Variants in NFXL1 observed in about 807,000 individuals in gnomAD.
The protein encoded by NFXL1 is NF-X1-type zinc finger protein NFXL1.
NFXL1 carries 66 observed loss-of-function variants against 123.3 expected under a neutral mutation model. The ratio of observed to expected loss-of-function variants is 0.54; its 90% confidence interval spans 0.44 to 0.66. The LOEUF (loss-of-function observed/expected upper bound fraction) is 0.66. Among genes scored for constraint, NFXL1 ranks in the 30% least tolerant of loss-of-function variants. The probability of loss-of-function intolerance (pLI) is 0.00; values close to 1 mark genes in which losing one functional copy is unlikely to be tolerated. For missense variants in NFXL1, 944 were observed against 1,125.6 expected, an observed-to-expected ratio of 0.84 and a Z score of 2.31; for synonymous variants, 346 against 360.8, an observed-to-expected ratio of 0.96 and a Z score of 0.46.
intron 3 of NFXL1, among the ~76,000 whole-genome samples, chr4:47,909,584 G>A (rs1170362295): frequency 6.6e-6 from 1 of 151,422 alleles, no homozygotes; most frequent in Non-Finnish European, 1.5e-5. Context: ...CTAATAAAAG[G>A]TATATAAACA....
At chr4:47,881,007 T>C (rs12506632) in intron 15 of NFXL1, among the ~76,000 whole-genome samples, 52,555 of 151,528 alleles carry the variant, frequency 0.35, 9,531 homozygotes, top group East Asian at 0.59. Context: ...TACAGCTAGA[T>C]AGGAAGAACA....
chr4:47,850,789 C>T (rs1197777373), intron 22 of NFXL1, among the ~76,000 whole-genome samples: 1 of 152,010 alleles, frequency 6.6e-6, no homozygotes, highest in African/African-American at 2.4e-5. Context: ...ATGATTCGCT[C>T]ACTCTCACTC....
At chr4:47,864,498 T>C (rs555093876) in intron 18 of NFXL1, among the ~76,000 whole-genome samples, 20 of 152,270 alleles carry the variant, frequency 1.3e-4, no homozygotes, top group Middle Eastern at 3.4e-3. Flanking sequence ...TGTCCCATAC[T>C]CTGGAAGAAG....
intron 18 of NFXL1, among the ~76,000 whole-genome samples, chr4:47,871,635 G>A (rs1295422553): frequency 6.6e-6 from 1 of 152,192 alleles, no homozygotes; most frequent in South Asian, 2.1e-4. Context: ...GAATGCAGGT[G>A]TGACACTGCC....
intron 10 of NFXL1, among the ~76,000 whole-genome samples, chr4:47,895,067 C>T (rs1350945949): frequency 2.0e-5 from 3 of 152,106 alleles, no homozygotes; most frequent in African/African-American, 4.8e-5. Context: ...TGGGTGACCA[C>T]GTGCATTGTC....
chr4:47,904,473 A>C (rs1737476914), intron 4 of NFXL1, among the ~76,000 whole-genome samples: 3 of 152,214 alleles, frequency 2.0e-5, no homozygotes, highest in Admixed American at 2.0e-4. Flanking sequence ...CCTGCAGCTG[A>C]AATCAGAGTA....
chr4:47,859,799 G>A lies in NFXL1; in HGVS notation c.2316+3047C>T, dbSNP rs1233486393. ...GGAGGTTGTAGTGAGCCAAGATTGC[G>A]CCACCGTACTCCAACCCAGGCAACA... is the stretch of plus-strand genomic sequence containing the variant. On this transcript the variant is annotated intron_variant, in intron 19 of 22. Coordinates refer to ENST00000507489, the MANE Select transcript of NFXL1 (RefSeq NM_001278624.2). Among the ~76,000 whole-genome samples the A allele has an allele frequency of 3.5e-5, 4 of 114,058 alleles. No individual in the cohort carries two copies. In the East Asian group the frequency reaches 9.1e-4, roughly 26 times the overall value. The allele number at this position is 114,058 out of a possible 152,430, so 74.8% of individuals were successfully genotyped here.
At chr4:47,886,338 C>A (rs903789017) in intron 12 of NFXL1, among the ~76,000 whole-genome samples, 3 of 151,806 alleles carry the variant, frequency 2.0e-5, no homozygotes, top group Admixed American at 6.6e-5. Context: ...TGTAAAAATT[C>A]AACAAGCTGT....
chr4:47,887,543 T>C (rs1420019479), intron 12 of NFXL1, among the ~76,000 whole-genome samples: 6 of 152,202 alleles, frequency 3.9e-5, no homozygotes, highest in Non-Finnish European at 8.8e-5. Flanking sequence ...GCAAGTCAAG[T>C]TATCCTAACC....
At chr4:47,868,883 C>A (rs1219217774) in intron 18 of NFXL1, among the ~76,000 whole-genome samples, 1 of 152,160 alleles carries the variant, frequency 6.6e-6, no homozygotes, top group African/African-American at 2.4e-5. Flanking sequence ...ACAGCTTAAT[C>A]ATCTTTATAA....
intron 18 of NFXL1, among the ~76,000 whole-genome samples, chr4:47,866,800 A>T (rs1032908834): frequency 6.6e-6 from 1 of 152,206 alleles, no homozygotes; most frequent in Non-Finnish European, 1.5e-5. Flanking sequence ...TATGCTGAAC[A>T]GTTGCTTTCC....
At chr4:47,861,373 C>T (rs1012302576) in intron 19 of NFXL1, among the ~76,000 whole-genome samples, 2 of 152,092 alleles carry the variant, frequency 1.3e-5, no homozygotes, top group African/African-American at 4.8e-5. Flanking sequence ...TCAAGAAAGC[C>T]CAAGGAGATC....
chr4:47,882,880 T>A (rs1194279087), intron 15 of NFXL1, among the ~76,000 whole-genome samples: 1 of 152,166 alleles, frequency 6.6e-6, no homozygotes, highest in African/African-American at 2.4e-5. Context: ...TAGTTCTTCT[T>A]TACTCCAAGT....
At position 47,913,951 on chromosome 4, in the gene NFXL1, G is replaced by A. The variant is rs1209203510; in HGVS notation, c.235+18C>T. ...TAGGAGGCATCCAGGTGAGCACGCG[G>A]GCGGGAGCCATTCTCACCGCTGGCT... On this transcript the variant is annotated intron_variant, in intron 2 of 22. Transcript: ENST00000507489. 2.0e-6 allele frequency: 3 copies of A among 1,526,124 alleles called. No individual in the cohort carries two copies. The African/African-American group carries it at 4.1e-5, about 21-fold the overall frequency. 94.5% of individuals were successfully genotyped at this position (1,526,124 alleles called of 1,614,324 possible).
chr4:47,898,990 C>A lies in NFXL1; in HGVS notation c.957G>T (p.Gly319=), dbSNP rs1737243740. Residue 319 remains glycine (G), a synonymous_variant, in exon 7 of 23, where the codon GGG becomes GGT. Coordinates refer to ENST00000507489, the MANE Select transcript of NFXL1 (RefSeq NM_001278624.2). The part of the protein sequence containing the change: ...QLPCGQKLLC[G]QHKCENPCHA... ...GACAAGGATTTTCACACTTATGTTGCCCACAAAGCAACTTCTGTCCACATG... is the reference window on the plus strand; with the variant it reads ...GACAAGGATTTTCACACTTATGTTGACCACAAAGCAACTTCTGTCCACATG... The A allele has an allele frequency of 6.2e-7, 1 of 1,613,998 alleles. No individual in the cohort carries two copies. Among genetic ancestry groups the A allele is most frequent in the Non-Finnish European group, 8.5e-7 (1 of 1,179,978 alleles).
At chr4:47,898,103 A>T in intron 8 of NFXL1, 22 bp from the exon 9 acceptor site, 1 of 1,426,016 alleles carries the variant, frequency 7.0e-7, no homozygotes, top group Admixed American at 2.0e-5. Context: ...TGCAATAAAC[A>T]CTAATGAAGG....
chr4:47,892,868 A>T (rs79485151), intron 11 of NFXL1, among the ~76,000 whole-genome samples: 2 of 152,318 alleles, frequency 1.3e-5, no homozygotes, highest in East Asian at 3.9e-4. Flanking sequence ...ACATAACCCC[A>T]AAAAAGCAGA....
intron 22 of NFXL1, among the ~76,000 whole-genome samples, chr4:47,849,400 A>G (rs1733991887): frequency 6.6e-6 from 1 of 152,160 alleles, no homozygotes; most frequent in African/African-American, 2.4e-5. Context: ...TAATTAAGAC[A>G]ATAGTTAAAA....
At chr4:47,877,677 C>A (rs1014487893) in intron 17 of NFXL1, among the ~76,000 whole-genome samples, 3 of 151,818 alleles carry the variant, frequency 2.0e-5, no homozygotes, top group Non-Finnish European at 2.9e-5. Context: ...TACATTTACA[C>A]ATGTTTGCAC....
Sources: allele counts gnomAD v4.1 joint callset (sites outside exome capture counted in the v4.1 genomes callset), GRCh38; gene constraint gnomAD v4.1.1; transcripts MANE v1.5; gene names NCBI Gene and HGNC (gene_info 2026-07-23, HGNC 2026-07-21).